Variants in BRF1 observed in about 807,000 individuals in gnomAD.
BRF1 encodes the protein transcription factor IIIB 90 kDa subunit.
BRF1 carries 59 observed loss-of-function variants against 81.7 expected under a neutral mutation model. The ratio of observed to expected loss-of-function variants is 0.72; its 90% confidence interval spans 0.59 to 0.90. The LOEUF (loss-of-function observed/expected upper bound fraction) is 0.90, where lower values mean the gene tolerates loss of function less well. BRF1 is among the 40% of genes least tolerant of loss of function. BRF1 has a pLI of 0.00. For missense variants in BRF1, 1,050 were observed against 936.3 expected, an observed-to-expected ratio of 1.12 and a Z score of -1.58; for synonymous variants, 491 against 395.6, an observed-to-expected ratio of 1.24 and a Z score of -2.86.
intron 2 of BRF1, among the ~76,000 whole-genome samples, chr14:105,275,903 A>G (rs1245261107): frequency 6.6e-6 from 1 of 152,218 alleles, no homozygotes; most frequent in Admixed American, 6.5e-5. Context: ...ACGTGAGGCC[A>G]CAGTGAGAAG....
Position 105,221,714 on chromosome 14 carries a change from T to C in BRF1, c.1249A>G (p.Thr417Ala). The C allele has an allele frequency of 1.9e-6, 3 of 1,608,426 alleles. No individual in the cohort carries two copies. The highest frequency in any genetic ancestry group is 2.2e-5 in the East Asian group (1 of 44,568). Residue 417 changes from threonine (T) to alanine (A), a missense_variant, in exon 11 of 18, where the codon ACT becomes GCT. By Grantham distance (58) the Thr-to-Ala change is moderately conservative. Coordinates refer to ENST00000547530, the MANE Select transcript of BRF1 (RefSeq NM_001519.4). ...TCTGAGATGCCCAGGCTGGCTGCAG[T>C]GGGGAGGGGGTCCAGCAGGGACCCC... ...ALGSLLDPLP[T>A]AASLGISDSI...
At chr14:105,256,419 T>C (rs1566841859) in intron 4 of BRF1, 99 bp downstream of exon 4, 4 of 1,612,918 alleles carry the variant, frequency 2.5e-6, no homozygotes, top group Non-Finnish European at 2.5e-6. Flanking sequence ...GCCACTGAGA[T>C]GCGTGGAGGC....
chr14:105,255,744 G>C (rs1174451884), intron 4 of BRF1, among the ~76,000 whole-genome samples: 1 of 152,212 alleles, frequency 6.6e-6, no homozygotes, highest in Non-Finnish European at 1.5e-5. Context: ...CATGTGGAAA[G>C]AGAGATGTAA....
chr14:105,285,503 C>T (rs976507859), intron 2 of BRF1, among the ~76,000 whole-genome samples: 2 of 152,166 alleles, frequency 1.3e-5, no homozygotes, highest in Non-Finnish European at 2.9e-5. Context: ...CACATGCAAA[C>T]GCTGACTCAA....
chr14:105,311,052 A>T lies in BRF1; in HGVS notation c.-162+4270T>A, dbSNP rs181099326. ...AATGGAACCTCTGCCTGCTGGGTTC[A>T]AGCGATTCTCCTGCCTCAGCCTCCC... On this transcript the variant is annotated intron_variant, in intron 1 of 17. Coordinates refer to the BRF1 transcript ENST00000327359. Among the ~76,000 whole-genome samples, 12 of 152,222 alleles carry T rather than the reference A, an allele frequency of 7.9e-5. 1 individual carries two copies. Among genetic ancestry groups the T allele is most frequent in the African/African-American group, 2.9e-4 (12 of 41,546 alleles).
intron 5 of BRF1, chr14:105,242,735 C>CAAAA (rs753645207): frequency 2.3e-4 from 9 of 38,908 alleles, no homozygotes; most frequent in South Asian, 1.0e-3. Context: ...AGTTCTGACT[C>CAAAA]AAAAAAAAAA....
At chr14:105,275,158 G>C (rs935645365) in intron 2 of BRF1, among the ~76,000 whole-genome samples, 7 of 152,212 alleles carry the variant, frequency 4.6e-5, no homozygotes, top group African/African-American at 9.7e-5. Flanking sequence ...CCAGAGGTGG[G>C]CAGCTGCTGA....
chr14:105,309,910 C>T lies in BRF1; in HGVS notation c.-162+5412G>A, dbSNP rs1353996615. Among the ~76,000 whole-genome samples, 5 of 151,246 alleles carry T rather than the reference C, an allele frequency of 3.3e-5. No individual in the cohort carries two copies. Among genetic ancestry groups the T allele is most frequent in the African/African-American group, 4.9e-5 (2 of 41,152 alleles). On this transcript the variant is annotated intron_variant, in intron 1 of 17. Coordinates refer to the BRF1 transcript ENST00000327359. The surrounding 1 kb of genome is among the most constrained non-coding windows in gnomAD (Gnocchi z 4.0). ...AAGCAATTCTCCTGTCTCAGCCTCC[C>T]GACTAGCTGGGACTACAGGCGCCCG...
At chr14:105,245,976 T>C (rs1328738524) in intron 5 of BRF1, among the ~76,000 whole-genome samples, 4 of 152,112 alleles carry the variant, frequency 2.6e-5, no homozygotes, top group African/African-American at 9.7e-5. Flanking sequence ...TTAACAGAAA[T>C]GATATCCTAT....
intron 3 of BRF1, among the ~76,000 whole-genome samples, chr14:105,266,957 C>T (rs745467912): frequency 2.0e-5 from 3 of 151,960 alleles, no homozygotes; most frequent in Non-Finnish European, 4.4e-5. Flanking sequence ...GTGGGAGGAT[C>T]GCTTGAGCCT....
At chr14:105,299,629 C>T (rs746172702) in intron 1 of BRF1, among the ~76,000 whole-genome samples, 32 of 152,216 alleles carry the variant, frequency 2.1e-4, no homozygotes, top group Non-Finnish European at 3.8e-4. Context: ...AGGATTCGGG[C>T]ATGGCAAATA....
chr14:105,261,172 G>A (rs1245330668), intron 3 of BRF1, among the ~76,000 whole-genome samples: 3 of 152,368 alleles, frequency 2.0e-5, no homozygotes, highest in Middle Eastern at 3.4e-3. Flanking sequence ...CCCCTGCCAC[G>A]CTGTGCCGGG....
rs1362954585 is a variant in BRF1 at position 105,309,212 on chromosome 14, G to C, written c.-162+6110C>G. Among the ~76,000 whole-genome samples, 1 of 152,162 alleles carries C rather than the reference G, an allele frequency of 6.6e-6. No individual in the cohort carries two copies. Among genetic ancestry groups the C allele is most frequent in the Non-Finnish European group, 1.5e-5 (1 of 68,026 alleles). ...ATGATATTCTATTGTGGGAAAGAAA[G>C]AAGTGTTAAAATTTATGCATCAAGG... is the stretch of plus-strand genomic sequence containing the variant. On this transcript the variant is annotated intron_variant, in intron 1 of 17. Transcript: ENST00000327359. The surrounding 1 kb of genome is among the most constrained non-coding windows in gnomAD (Gnocchi z 4.0).
At chr14:105,300,156 G>A (rs1039389594) in intron 1 of BRF1, among the ~76,000 whole-genome samples, 3 of 152,270 alleles carry the variant, frequency 2.0e-5, no homozygotes, top group African/African-American at 7.2e-5. Flanking sequence ...GTGAGGGGCA[G>A]CTTGAGGGGC....
At chr14:105,288,054 G>A (rs1265739883) in intron 1 of BRF1, among the ~76,000 whole-genome samples, 3 of 152,232 alleles carry the variant, frequency 2.0e-5, no homozygotes, top group South Asian at 2.1e-4. Context: ...AGGTGGTGCC[G>A]GGACGGGGGC....
intron 5 of BRF1, among the ~76,000 whole-genome samples, chr14:105,244,834 G>C (rs1490112644): frequency 1.3e-5 from 2 of 151,932 alleles, no homozygotes; most frequent in Non-Finnish European, 2.9e-5. Context: ...GAGTCATCAT[G>C]CTTCTCCAGT....
chr14:105,267,478 TTTTC>T (rs2056470833), intron 3 of BRF1, among the ~76,000 whole-genome samples: 1 of 150,120 alleles, frequency 6.7e-6, no homozygotes, highest in African/African-American at 2.4e-5. Context: ...TTTTTTTTTG[TTTTC>T]TTTTTCTTTT....
chr14:105,220,188 G>T, intron 11 of BRF1, 58 bp from the exon 12 acceptor site: 1 of 1,601,962 alleles, frequency 6.2e-7, no homozygotes. Flanking sequence ...TAGGAGCGTG[G>T]CCACCACCTG....
chr14:105,248,702 G>T, intron 5 of BRF1: 1 of 982,376 alleles, frequency 1.0e-6, no homozygotes, highest in Non-Finnish European at 1.2e-6. Context: ...TCACAGCGCC[G>T]CCGCCGCCCA....
Sources: gnomAD v4.1 joint callset for allele counts (sites outside exome capture counted in the v4.1 genomes callset) on GRCh38, gnomAD v4.1.1 for gene constraint, Gnocchi (gnomAD v3.1) non-coding constraint, MANE v1.5 for transcripts, NCBI Gene and HGNC (gene_info 2026-07-23, HGNC 2026-07-21) for gene names.